Variants in PCDHGB1 observed in about 807,000 individuals in gnomAD.
PCDHGB1 encodes protocadherin gamma subfamily B, 1.
PCDHGB1 carries 34 observed loss-of-function variants against 56.6 expected under a neutral mutation model. That is an observed-to-expected ratio of 0.60 (90% CI 0.46 to 0.80). The LOEUF (loss-of-function observed/expected upper bound fraction) is 0.80, where lower values mean the gene tolerates loss of function less well. PCDHGB1 is among the 30% of genes least tolerant of loss of function. The pLI, the probability that PCDHGB1 is intolerant of heterozygous loss-of-function variation, is 0.00. For synonymous variants in PCDHGB1, 561 were observed against 505.9 expected (o/e 1.11, Z -1.46); for missense variants, 1,278 against 1,204.6 (o/e 1.06, Z -0.90).
intron 1 of PCDHGB1, chr5:141,384,713 C>CA: frequency 6.2e-7 from 1 of 1,614,104 alleles, no homozygotes; most frequent in Non-Finnish European, 8.5e-7. Context: ...GCCTGGCTGT[C>CA]ATACCTCCTG....
rs747509171 is a variant in PCDHGB1, at chr5:141,477,069, A to G, written c.2410-17738A>G. The stretch of plus-strand genomic sequence containing the variant: ...CTGGACTTCGAGGACACCAAACTCC[A>G]TGAGATTTACATCCAGGCCAAAGAC... On this transcript the variant is annotated intron_variant, in intron 1 of 3. Coordinates refer to ENST00000523390, the MANE Select transcript of PCDHGB1 (RefSeq NM_018922.3). The surrounding 1 kb of genome is among the most constrained non-coding windows in gnomAD (Gnocchi z 4.9). 7 of 1,614,246 alleles carry G rather than the reference A, an allele frequency of 4.3e-6. No homozygotes were observed. The highest frequency in any genetic ancestry group is 5.9e-6 in the Non-Finnish European group (7 of 1,180,026).
rs369794418 is a variant in PCDHGB1, at chr5:141,497,143, G to A, written c.2468+2278G>A. Among the ~76,000 whole-genome samples the A allele has an allele frequency of 7.3e-5, 11 of 150,108 alleles. No individual in the cohort carries two copies. In the East Asian group the frequency reaches 1.6e-3, roughly 21 times the overall value. On this transcript the variant is annotated intron_variant, in intron 2 of 3. Coordinates refer to ENST00000523390, the MANE Select transcript of PCDHGB1 (RefSeq NM_018922.3). ...AGAGGTTGCAGTGAGCTGAGATCAC[G>A]AAAAAAAAATAATCTAGCCACAAAT...
At chr5:141,377,786 A>G (rs1774350895) in intron 1 of PCDHGB1, 1 of 152,178 alleles carries the variant, frequency 6.6e-6, no homozygotes, top group African/African-American at 2.4e-5. Flanking sequence ...GACCTGAATA[A>G]CATTCCTGTA....
At position 141,491,502 on chromosome 5, in the gene PCDHGB1, C is replaced by G. The variant is rs751961360; in HGVS notation, c.2410-3305C>G. 1.4e-5 allele frequency: 23 copies of G among 1,614,080 alleles called. No homozygotes were observed. Among genetic ancestry groups the G allele is most frequent in the Non-Finnish European group, 1.8e-5 (21 of 1,180,006 alleles). ...GCCCCAACCTGCAGGTGAGCTCGGA[C>G]GGCACGCTCAAGTACATGGAGGTGA... On this transcript the variant is annotated intron_variant, in intron 1 of 3. Coordinates refer to ENST00000523390, the MANE Select transcript of PCDHGB1 (RefSeq NM_018922.3). This position sits in a 1 kb window ranked among gnomAD's most constrained non-coding sequence, Gnocchi z 6.9.
rs1195194477 is a variant in PCDHGB1, at chr5:141,432,620, C to G, written c.2410-62187C>G. On this transcript the variant is annotated intron_variant, in intron 1 of 3. Transcript: ENST00000523390. The surrounding 1 kb of genome is among the most constrained non-coding windows in gnomAD (Gnocchi z 6.0). ...CGAGCCGGGACTCTTCTCGGTGGGTCTGCACACGGGCGAGGTGCGCACGGC... is the reference window on the plus strand; with the variant it reads ...CGAGCCGGGACTCTTCTCGGTGGGTGTGCACACGGGCGAGGTGCGCACGGC... 6 of 1,613,190 alleles carry G rather than the reference C, an allele frequency of 3.7e-6. No individual in the cohort carries two copies. Among genetic ancestry groups the G allele is most frequent in the Admixed American group, 1.7e-5 (1 of 59,978 alleles).
intron 1 of PCDHGB1, chr5:141,389,039 AG>A: frequency 6.2e-7 from 1 of 1,613,988 alleles, no homozygotes; most frequent in Non-Finnish European, 8.5e-7. Context: ...GTAAATTGGA[AG>A]GTGATGTTCC....
In PCDHGB1 at chr5:141,432,976, C is replaced by T; in HGVS notation, c.2410-61831C>T. 1 of 1,614,210 alleles carries T rather than the reference C, an allele frequency of 6.2e-7. No individual in the cohort carries two copies. On this transcript the variant is annotated intron_variant, in intron 1 of 3. Transcript: ENST00000523390. The surrounding 1 kb of genome is among the most constrained non-coding windows in gnomAD (Gnocchi z 6.0). Reference sequence around the variant, plus strand: ...GCTTGACAGGAGCGCCGGCGTCGCACTTTGTGGGCGTGGACGGGGTGCAGG... The same window carrying T: ...GCTTGACAGGAGCGCCGGCGTCGCATTTTGTGGGCGTGGACGGGGTGCAGG...
At chr5:141,370,504 T>C (rs769995886) in intron 1 of PCDHGB1, 3 of 1,613,950 alleles carry the variant, frequency 1.9e-6, no homozygotes, top group Non-Finnish European at 2.5e-6. Flanking sequence ...CGCTACGCTA[T>C]TCCCGAGGAG....
chr5:141,380,196 G>A (rs1002706852), intron 1 of PCDHGB1, among the ~76,000 whole-genome samples: 3 of 152,110 alleles, frequency 2.0e-5, no homozygotes, highest in Non-Finnish European at 2.9e-5. Flanking sequence ...CACTGAGCCC[G>A]GCCTGAAAGG....
At chr5:141,452,490 C>A (rs2098742307) in intron 1 of PCDHGB1, among the ~76,000 whole-genome samples, 1 of 152,188 alleles carries the variant, frequency 6.6e-6, no homozygotes, top group East Asian at 1.9e-4. Flanking sequence ...TAAACACACC[C>A]ATATTTATAT....
chr5:141,371,978 C>T, intron 1 of PCDHGB1: 3 of 1,613,240 alleles, frequency 1.9e-6, no homozygotes, highest in Non-Finnish European at 2.5e-6. Context: ...TGCGTGCCTT[C>T]GAGCTCACTC....
Position 141,490,850 on chromosome 5 carries a change from G to A in PCDHGB1, c.2410-3957G>A, listed in dbSNP as rs374508743. The A allele has an allele frequency of 7.2e-5, 116 of 1,613,706 alleles. No homozygotes were observed. The highest frequency in any genetic ancestry group is 9.5e-5 in the Non-Finnish European group (112 of 1,179,902). ...ATGCTGCAGATTGTGGTGGGGGTTC[G>A]AGACTCCGGCTCTCCCCCATTGCAT... On this transcript the variant is annotated intron_variant, in intron 1 of 3. Transcript: ENST00000523390. This position sits in a 1 kb window ranked among gnomAD's most constrained non-coding sequence, Gnocchi z 5.4.
chr5:141,457,149 G>A (rs1016628234), intron 1 of PCDHGB1, among the ~76,000 whole-genome samples: 6 of 152,180 alleles, frequency 3.9e-5, no homozygotes, highest in African/African-American at 1.4e-4. Flanking sequence ...TCAGTTAGAA[G>A]GTGCTACCAT....
intron 1 of PCDHGB1, among the ~76,000 whole-genome samples, chr5:141,436,889 G>T (rs1319754318): frequency 6.6e-6 from 1 of 152,208 alleles, no homozygotes; most frequent in Non-Finnish European, 1.5e-5. Flanking sequence ...ATGGGGGAAA[G>T]ATTTTTATAT....
intron 3 of PCDHGB1, among the ~76,000 whole-genome samples, chr5:141,506,402 G>C (rs1032556978): frequency 7.0e-6 from 1 of 143,732 alleles, no homozygotes; most frequent in African/African-American, 2.6e-5. Context: ...GCAGAAAATC[G>C]CACCACTGCA....
chr5:141,484,845 G>T (rs541372844), intron 1 of PCDHGB1, among the ~76,000 whole-genome samples: 10 of 152,076 alleles, frequency 6.6e-5, no homozygotes, highest in Admixed American at 2.6e-4. Flanking sequence ...GATAGGCTGG[G>T]TTTTTTGGGG....
chr5:141,417,910 A>G (rs1339671115), intron 1 of PCDHGB1: 2 of 1,599,246 alleles, frequency 1.3e-6, no homozygotes, highest in East Asian at 2.3e-5. Flanking sequence ...GGCAGGTACT[A>G]TTTCCTTTGC....
intron 1 of PCDHGB1, chr5:141,417,858 C>A (rs561149517): frequency 1.3e-6 from 2 of 1,547,240 alleles, no homozygotes; most frequent in African/African-American, 1.4e-5. Context: ...CCCGAGCGAA[C>A]GATGGGAGGG....
chr5:141,418,908 C>G, intron 1 of PCDHGB1: 3 of 1,613,932 alleles, frequency 1.9e-6, no homozygotes, highest in Non-Finnish European at 2.5e-6. Flanking sequence ...ATAATCATCA[C>G]GTCACTCTCT....
Sources: allele counts gnomAD v4.1 joint callset (sites outside exome capture counted in the v4.1 genomes callset), GRCh38; gene constraint gnomAD v4.1.1; non-coding constraint Gnocchi (gnomAD v3.1); transcripts MANE v1.5; gene names NCBI Gene and HGNC (gene_info 2026-07-23, HGNC 2026-07-21).